Variants in TLK1 observed in about 807,000 individuals in gnomAD.
TLK1 encodes the protein tousled like kinase 1.
TLK1 carries 24 observed loss-of-function variants against 105.3 expected under a neutral mutation model. The observed-to-expected ratio is 0.23, with a 90% CI of 0.17 to 0.32. The LOEUF (loss-of-function observed/expected upper bound fraction) is 0.32. TLK1 is among the 10% of genes least tolerant of loss of function. The probability of loss-of-function intolerance (pLI) is 1.00; values close to 1 mark genes in which losing one functional copy is unlikely to be tolerated. For synonymous variants in TLK1, 321 were observed against 310.4 expected (o/e 1.03, Z -0.36); for missense variants, 558 against 910.5 (o/e 0.61, Z 4.98).
rs73013454 is a variant in TLK1 at position 171,142,576 on chromosome 2, A to T, written c.139+17714T>A. Among the ~76,000 whole-genome samples, 1,354 of 152,334 alleles carry T rather than the reference A, an allele frequency of 8.9e-3. 13 individuals carry two copies. Among genetic ancestry groups the T allele is most frequent in the African/African-American group, 0.03 (1,244 of 41,574 alleles). On this transcript the variant is annotated intron_variant, in intron 1 of 20. Coordinates refer to ENST00000431350, the MANE Select transcript of TLK1 (RefSeq NM_012290.5). ...AAAGTTTGATTCACCAGGTAGATTT[A>T]AAAAAACCTTGACTTGTCAGCACTT...
chr2:171,058,186 C>G lies in TLK1; in HGVS notation c.418G>C (p.Gly140Arg). 6.2e-7 allele frequency: 1 copy of G among 1,613,380 alleles called. No homozygotes were observed. The highest frequency in any genetic ancestry group is 8.5e-7 in the Non-Finnish European group (1 of 1,179,524). ...TCGCTAATTTTGTGGCCACGTCCCC[C>G]AATACTTTTTCCTAAAATATAAGAA... ...QNESSQGKSI[G>R]GRGHKISDYF... is the part of the protein sequence containing the mutation. Residue 140 changes from glycine (G) to arginine (R), a missense_variant, in exon 5 of 21, where the codon GGG becomes CGG. Coordinates refer to ENST00000431350, the MANE Select transcript of TLK1 (RefSeq NM_012290.5).
intron 1 of TLK1, among the ~76,000 whole-genome samples, chr2:171,132,450 C>T (rs917677031): frequency 4.6e-5 from 7 of 152,260 alleles, no homozygotes; most frequent in African/African-American, 1.7e-4. Context: ...TTACTTACCC[C>T]CCCCAACACG....
At chr2:171,114,543 C>T (rs529062017) in intron 2 of TLK1, among the ~76,000 whole-genome samples, 9 of 151,982 alleles carry the variant, frequency 5.9e-5, no homozygotes, top group Non-Finnish European at 1.3e-4. Context: ...CCTCTAGAAA[C>T]TAAAAAAGGT....
At chr2:171,010,479 C>G (rs1215063079) in intron 14 of TLK1, among the ~76,000 whole-genome samples, 1 of 152,004 alleles carries the variant, frequency 6.6e-6, no homozygotes, top group Non-Finnish European at 1.5e-5. Flanking sequence ...AAAGTGTGAG[C>G]TAGATATTAC....
intron 2 of TLK1, among the ~76,000 whole-genome samples, chr2:171,083,384 T>C (rs113358617): frequency 1.3e-5 from 2 of 152,322 alleles, no homozygotes; most frequent in African/African-American, 4.8e-5. Flanking sequence ...TTTTAATTAA[T>C]TGCTTTGCTC....
chr2:171,193,700 A>ATTTTTT (rs35175399), intron 1 of TLK1, among the ~76,000 whole-genome samples: 7 of 64,632 alleles, frequency 1.1e-4, no homozygotes, highest in African/African-American at 4.6e-4. Flanking sequence ...AGCGCCTGGC[A>ATTTTTT]TTTTTTTTTT....
chr2:171,017,902 A>G (rs1456453376), intron 12 of TLK1, among the ~76,000 whole-genome samples: 1 of 152,252 alleles, frequency 6.6e-6, no homozygotes, highest in Non-Finnish European at 1.5e-5. Context: ...TTTGTCTTTC[A>G]TCTTGTAAGT....
At chr2:171,039,367 G>C (rs1283118228) in intron 11 of TLK1, among the ~76,000 whole-genome samples, 2 of 152,178 alleles carry the variant, frequency 1.3e-5, no homozygotes, top group Non-Finnish European at 2.9e-5. Flanking sequence ...CCAGGCTCAA[G>C]CGATCCTCCC....
At chr2:171,198,539 T>C (rs961420335) in intron 1 of TLK1, among the ~76,000 whole-genome samples, 7 of 152,314 alleles carry the variant, frequency 4.6e-5, no homozygotes, top group Admixed American at 2.6e-4. Flanking sequence ...TGGATTTGGA[T>C]AGATGTATAA....
In TLK1 at chr2:171,230,056, T is replaced by C. The variant is rs141977220; in HGVS notation, c.-6+1089A>G. 3.4e-3 allele frequency among the ~76,000 whole-genome samples: 522 copies of C among 152,292 alleles called. 1 individual carries two copies. The highest frequency in any genetic ancestry group is 6.1e-3 in the Non-Finnish European group (413 of 68,012). ...AAAAAAAAGACTAATAAAAAGTGATTACTTCCATAATTATTCATTTGAAAA... is the reference window on the plus strand; with the variant it reads ...AAAAAAAAGACTAATAAAAAGTGATCACTTCCATAATTATTCATTTGAAAA... On this transcript the variant is annotated intron_variant, in intron 1 of 20. Coordinates refer to the TLK1 transcript ENST00000521943.
intron 3 of TLK1, among the ~76,000 whole-genome samples, chr2:171,073,502 G>A (rs894210198): frequency 6.6e-6 from 1 of 151,992 alleles, no homozygotes; most frequent in Non-Finnish European, 1.5e-5. Flanking sequence ...GCTTCCTGAA[G>A]AATTCTGATA....
intron 1 of TLK1, among the ~76,000 whole-genome samples, chr2:171,156,222 A>G (rs775591567): frequency 1.3e-5 from 2 of 152,208 alleles, no homozygotes; most frequent in African/African-American, 4.8e-5. Context: ...ATCATAACAG[A>G]CTGAAGGCAG....
chr2:171,177,886 C>T (rs765140960), intron 1 of TLK1, among the ~76,000 whole-genome samples: 7 of 152,118 alleles, frequency 4.6e-5, no homozygotes, highest in East Asian at 3.9e-4. Context: ...CTCTGCCTCC[C>T]GGGTTTAAGC....
chr2:171,160,344 C>T lies in TLK1; in HGVS notation c.85G>A (p.Ala29Thr), dbSNP rs1692432505. The T allele has an allele frequency of 6.2e-7, 1 of 1,604,014 alleles. No homozygotes were observed. The highest frequency in any genetic ancestry group is 8.5e-7 in the Non-Finnish European group (1 of 1,176,080). Residue 29 changes from alanine to threonine, a missense_variant, in exon 1 of 21, where the codon GCG becomes ACG. Physicochemically the swap from Ala to Thr is moderately conservative, Grantham distance 58. Around this residue, in one of 5 missense-constraint regions of TLK1, gnomAD observed 104 missense variants for 116.0 expected, o/e 0.90. Coordinates refer to ENST00000431350, the MANE Select transcript of TLK1 (RefSeq NM_012290.5). The surrounding 1 kb of genome is among the most constrained non-coding windows in gnomAD (Gnocchi z 4.4). ...TGATTCAGCAGGGACCTGGCCGCCG[C>T]CGCCGAGCCCGGGGTTGGAGACGTG... ...LSTSPTPGSA[A>T]AARSLLNHTP...
intron 3 of TLK1, among the ~76,000 whole-genome samples, chr2:171,079,931 G>A (rs1420225323): frequency 2.0e-5 from 3 of 152,068 alleles, no homozygotes; most frequent in Non-Finnish European, 4.4e-5. Context: ...TCCAACTGGT[G>A]AACTACAATA....
At chr2:171,148,659 G>C (rs1691890289) in intron 1 of TLK1, among the ~76,000 whole-genome samples, 1 of 152,058 alleles carries the variant, frequency 6.6e-6, no homozygotes, top group East Asian at 1.9e-4. Context: ...CAGAAGGGCA[G>C]ATCACCTGAG....
chr2:171,150,316 C>T (rs1691981412), intron 1 of TLK1, among the ~76,000 whole-genome samples: 1 of 152,188 alleles, frequency 6.6e-6, no homozygotes, highest in East Asian at 1.9e-4. Flanking sequence ...GGCTTTTACT[C>T]AGTTACTGTA....
chr2:171,136,506 C>T (rs1210047590), intron 1 of TLK1, among the ~76,000 whole-genome samples: 1 of 152,138 alleles, frequency 6.6e-6, no homozygotes, highest in Non-Finnish European at 1.5e-5. Context: ...GCGGAGGTTG[C>T]ACCACTGCAC....
At chr2:171,013,317 A>ATTTT (rs1685014862) in intron 13 of TLK1, among the ~76,000 whole-genome samples, 2 of 90,994 alleles carry the variant, frequency 2.2e-5, no homozygotes, top group African/African-American at 9.3e-5. Context: ...CTGGCCCCTC[A>ATTTT]CTTTTTTTTT....
Sources: allele counts gnomAD v4.1 joint callset (sites outside exome capture counted in the v4.1 genomes callset), GRCh38; gene constraint gnomAD v4.1.1; regional missense constraint gnomAD v4.1.1; non-coding constraint Gnocchi (gnomAD v3.1); transcripts MANE v1.5; gene names NCBI Gene and HGNC (gene_info 2026-07-23, HGNC 2026-07-21).